The following CAMK4 variants were observed in gnomAD, a reference collection of about 807,000 sequenced individuals.
CAMK4 encodes the protein calcium/calmodulin-dependent protein kinase type IV.
Under a neutral mutation model 44.9 loss-of-function variants are expected in CAMK4, and 22 were observed. The ratio of observed to expected loss-of-function variants is 0.49; its 90% CI spans 0.35 to 0.70. The LOEUF (loss-of-function observed/expected upper bound fraction) is 0.70, where lower values mean the gene tolerates loss of function less well. Among genes scored for constraint, CAMK4 ranks in the 30% least tolerant of loss-of-function variants. The pLI is 0.01. For synonymous variants in CAMK4, 218 were observed against 215.4 expected (o/e 1.01, Z -0.11); for missense variants, 498 against 586.8 (o/e 0.85, Z 1.56).
intron 1 of CAMK4, among the ~76,000 whole-genome samples, chr5:111,303,258 G>A (rs1281160862): frequency 3.0e-5 from 4 of 133,766 alleles, no homozygotes; most frequent in Admixed American, 7.6e-5. Context: ...TGATTTTGAC[G>A]AGCTGAGAGA....
At chr5:111,396,731 C>T (rs1752027569) in intron 5 of CAMK4, among the ~76,000 whole-genome samples, 1 of 146,248 alleles carries the variant, frequency 6.8e-6, no homozygotes, top group Admixed American at 7.0e-5. Flanking sequence ...ACCTCTGCCT[C>T]CCAGGTTGAA....
intron 2 of CAMK4, among the ~76,000 whole-genome samples, chr5:111,347,186 A>T (rs186334441): frequency 1.1e-4 from 17 of 152,112 alleles, no homozygotes; most frequent in African/African-American, 4.1e-4. Context: ...GAATGTTAAG[A>T]TCTAGCCTTT....
At position 111,482,180 on chromosome 5, in the gene CAMK4, C is replaced by T. The variant is rs1755455896; in HGVS notation, c.829-605C>T. ...AGAATGGGCTGCCATTGATTGGATTCCATTCTTTAGGCAAATCATGCCCTC... is the reference window on the plus strand; with the variant it reads ...AGAATGGGCTGCCATTGATTGGATTTCATTCTTTAGGCAAATCATGCCCTC... On this transcript the variant is annotated intron_variant, in intron 9 of 10. Coordinates refer to ENST00000282356, the MANE Select transcript of CAMK4 (RefSeq NM_001744.6). The surrounding 1 kb of genome is among the most constrained non-coding windows in gnomAD (Gnocchi z 4.9). The T allele has an allele frequency of 6.6e-6, 1 of 152,168 alleles. No homozygotes were observed. Among genetic ancestry groups the T allele is most frequent in the African/African-American group, 2.4e-5 (1 of 41,438 alleles). The allele number at this position is 152,168 out of a possible 1,614,324, so 9.4% of individuals were successfully genotyped here.
chr5:111,370,808 A>C (rs1004979526), intron 2 of CAMK4, among the ~76,000 whole-genome samples: 3 of 152,066 alleles, frequency 2.0e-5, no homozygotes, highest in African/African-American at 7.2e-5. Context: ...CCAACTACTC[A>C]GGAGGCTGAG....
At position 111,446,694 on chromosome 5, in the gene CAMK4, T is replaced by G. The variant is rs996678393; in HGVS notation, c.468T>G (p.His156Gln). Residue 156 changes from histidine (H) to glutamine (Q), a missense_variant, in exon 6 of 11, where the codon CAT (histidine) becomes CAG (glutamine). His to Gln is a conservative substitution (Grantham distance 24). This residue lies in a region of CAMK4 where 203 missense variants were observed against 298.2 expected (regional missense o/e 0.68). Coordinates refer to ENST00000282356, the MANE Select transcript of CAMK4 (RefSeq NM_001744.6). ...KQILEAVAYL[H>Q]ENGIVHRDLK... ...TTATTTTCCCTCTTTAGTATCTACA[T>G]GAAAATGGGATTGTCCATCGTGATC... The G allele has an allele frequency of 2.6e-6, 4 of 1,564,918 alleles. No homozygotes were observed. The highest frequency in any genetic ancestry group is 1.8e-5 in the Admixed American group (1 of 57,092).
chr5:111,453,735 G>A (rs919712115), intron 7 of CAMK4, among the ~76,000 whole-genome samples: 6 of 152,202 alleles, frequency 3.9e-5, no homozygotes, highest in East Asian at 3.8e-4. Flanking sequence ...AAGACACCAG[G>A]GTGGTCAGGA....
At chr5:111,276,948 C>A (rs542726756) in intron 1 of CAMK4, among the ~76,000 whole-genome samples, 1 of 152,080 alleles carries the variant, frequency 6.6e-6, no homozygotes, top group African/African-American at 2.4e-5. Context: ...AGGCAATAAG[C>A]AATTTGATCT....
chr5:111,323,895 T>C (rs966009917), intron 1 of CAMK4, among the ~76,000 whole-genome samples: 16 of 152,200 alleles, frequency 1.1e-4, no homozygotes, highest in African/African-American at 3.1e-4. Flanking sequence ...TTTAAGTCAA[T>C]TGATCGTTTA....
intron 1 of CAMK4, among the ~76,000 whole-genome samples, chr5:111,315,577 TG>T (rs1748385522): frequency 6.6e-6 from 1 of 152,192 alleles, no homozygotes; most frequent in African/African-American, 2.4e-5. Context: ...CAATCTTAGT[TG>T]TGGAAGATTA....
intron 1 of CAMK4, among the ~76,000 whole-genome samples, chr5:111,332,180 T>C (rs1198338214): frequency 6.6e-6 from 1 of 150,898 alleles, no homozygotes; most frequent in Non-Finnish European, 1.5e-5. Flanking sequence ...GCTGCACCCA[T>C]TAACTCGTCA....
chr5:111,338,097 T>C lies in CAMK4; in HGVS notation c.162-5927T>C, dbSNP rs1749484027. 2.6e-5 allele frequency among the ~76,000 whole-genome samples: 4 copies of C among 151,180 alleles called. No individual in the cohort carries two copies. The South Asian group carries it at 8.3e-4, about 31-fold the overall frequency. ...ACATTTTCTCTGGTGAAGTATATGG[T>C]CAAATCATTTTTCATTGGAAATAAT... On this transcript the variant is annotated intron_variant, in intron 1 of 10. Coordinates refer to ENST00000282356, the MANE Select transcript of CAMK4 (RefSeq NM_001744.6).
chr5:111,369,279 G>T (rs559236155), intron 2 of CAMK4, among the ~76,000 whole-genome samples: 2 of 152,042 alleles, frequency 1.3e-5, no homozygotes, highest in African/African-American at 4.8e-5. Context: ...TGGCCAGGCT[G>T]GTCTCAAACT....
At chr5:111,468,876 G>A (rs191024463) in intron 7 of CAMK4, among the ~76,000 whole-genome samples, 44 of 152,080 alleles carry the variant, frequency 2.9e-4, no homozygotes, top group Non-Finnish European at 4.9e-4. Context: ...TACTCAGGAG[G>A]CAGAGGCAAG....
At chr5:111,446,624 T>A in intron 5 of CAMK4, 62 bp from the exon 6 acceptor site, 1 of 825,186 alleles carries the variant, frequency 1.2e-6, no homozygotes. Context: ...AAAGATTAAG[T>A]ATAGACATTC....
At chr5:111,229,659 G>T (rs1748368780) in intron 1 of CAMK4, among the ~76,000 whole-genome samples, 1 of 152,186 alleles carries the variant, frequency 6.6e-6, no homozygotes, top group African/African-American at 2.4e-5. Context: ...TATCTGGGTA[G>T]GTATACTGCT....
chr5:111,436,378 G>C (rs1753647532), intron 5 of CAMK4, among the ~76,000 whole-genome samples: 1 of 152,116 alleles, frequency 6.6e-6, no homozygotes. Flanking sequence ...TGTTCTTTGT[G>C]ACCTCTTCTC....
chr5:111,379,314 A>G (rs1211253907), intron 4 of CAMK4, among the ~76,000 whole-genome samples: 2 of 152,146 alleles, frequency 1.3e-5, no homozygotes, highest in Non-Finnish European at 2.9e-5. Context: ...TTAGGATGAA[A>G]TTTAATTCAG....
rs1243853905 is a variant in CAMK4, at chr5:111,482,424, T to G, written c.829-361T>G. 6.0e-6 allele frequency: 1 copy of G among 167,346 alleles called. No homozygotes were observed. Among genetic ancestry groups the G allele is most frequent in the Non-Finnish European group, 1.3e-5 (1 of 78,592 alleles). The allele number at this position is 167,346 out of a possible 1,614,324, so 10.4% of individuals were successfully genotyped here. ...CATTCTGTTACCATAGAGATGTACT[T>G]TAAGTTCTGAATTCTAGGTGATTGT... On this transcript the variant is annotated intron_variant, in intron 9 of 10. Coordinates refer to ENST00000282356, the MANE Select transcript of CAMK4 (RefSeq NM_001744.6). This position sits in a 1 kb window ranked among gnomAD's most constrained non-coding sequence, Gnocchi z 4.9.
Position 111,317,816 on chromosome 5 carries a change from A to G in CAMK4, c.162-26208A>G, listed in dbSNP as rs138575897. 9.2e-3 allele frequency among the ~76,000 whole-genome samples: 1,365 copies of G among 148,022 alleles called. 11 individuals carry two copies. Among genetic ancestry groups the G allele is most frequent in the African/African-American group, 0.032 (1,289 of 40,698 alleles). Reference sequence around the variant, plus strand: ...TTGAAATTTTAATAATTTTTGAACAACGGGCCCTGTATTGTCTGAATGCAA... The same window carrying G: ...TTGAAATTTTAATAATTTTTGAACAGCGGGCCCTGTATTGTCTGAATGCAA... On this transcript the variant is annotated intron_variant, in intron 1 of 10. Transcript: ENST00000282356.
Sources: gnomAD v4.1 joint callset for allele counts (sites outside exome capture counted in the v4.1 genomes callset) on GRCh38, gnomAD v4.1.1 for gene constraint, gnomAD v4.1.1 regional missense constraint, Gnocchi (gnomAD v3.1) non-coding constraint, MANE v1.5 for transcripts, NCBI Gene and HGNC (gene_info 2026-07-23, HGNC 2026-07-21) for gene names.